SLC46A3: variants seen among roughly 807,000 people sequenced by gnomAD.
The protein encoded by SLC46A3 is lysosomal proton-coupled steroid conjugate and bile acid symporter SLC46A3.
Under a neutral mutation model 38.5 loss-of-function variants are expected in SLC46A3, and 26 were observed. That is an observed-to-expected ratio of 0.68 (90% confidence interval 0.49 to 0.94). The LOEUF is 0.94. SLC46A3 is among the 40% of genes least tolerant of loss of function. The pLI, the probability that SLC46A3 is intolerant of heterozygous loss-of-function variation, is 0.00. For missense variants in SLC46A3, 510 were observed against 544.3 expected, an observed-to-expected ratio of 0.94 and a Z score of 0.63; for synonymous variants, 185 against 192.5, an observed-to-expected ratio of 0.96 and a Z score of 0.32.
rs1885433971 is a variant in SLC46A3, at chr13:28,713,498, A to G, written c.242T>C (p.Leu81Ser). ...RFNLQMDISGLIPGLVSTFIL... is the reference protein window; with the variant it reads ...RFNLQMDISGSIPGLVSTFIL... ...GAATGTAGACACTAGACCAGGAATT[A>G]ATCCACTTATGTCCATCTGCAGATT... Residue 81 changes from leucine (L) to serine (S), a missense_variant, in exon 3 of 6, where the codon TTA becomes TCA. Physicochemically the swap from Leu to Ser is moderately radical, Grantham distance 145. Coordinates refer to ENST00000266943, the MANE Select transcript of SLC46A3 (RefSeq NM_181785.4). 3.1e-6 allele frequency: 5 copies of G among 1,613,198 alleles called. No individual in the cohort carries two copies. The African/African-American group carries it at 6.7e-5, about 21-fold the overall frequency.
At chr13:28,714,152 A>AC (rs796138145) in intron 2 of SLC46A3, among the ~76,000 whole-genome samples, 14 of 24,936 alleles carry the variant, frequency 5.6e-4, no homozygotes, top group African/African-American at 8.8e-4. Flanking sequence ...AAAAAAAAAA[A>AC]AAAAAAACCT....
Position 28,710,750 on chromosome 13 carries a change from T to C in SLC46A3, c.1144+10A>G. The C allele has an allele frequency of 6.3e-7, 1 of 1,599,478 alleles. No individual in the cohort carries two copies. The highest frequency in any genetic ancestry group is 8.6e-7 in the Non-Finnish European group (1 of 1,167,968). ...GGTAGATTCATATTTCTTAAGCAAA[T>C]TAAACTCACCTTGTTCAGTCGAACG... is the stretch of plus-strand genomic sequence containing the variant. On this transcript the variant is annotated intron_variant, in intron 4 of 5. Transcript: ENST00000266943.
intron 2 of SLC46A3, among the ~76,000 whole-genome samples, chr13:28,714,591 A>C (rs1019459698): frequency 1.3e-5 from 2 of 152,218 alleles, no homozygotes; most frequent in Non-Finnish European, 2.9e-5. Flanking sequence ...TCTACTAAAA[A>C]TACAAAAATT....
At chr13:28,714,622 G>A (rs1410896270) in intron 2 of SLC46A3, among the ~76,000 whole-genome samples, 15 of 152,218 alleles carry the variant, frequency 9.9e-5, no homozygotes, top group African/African-American at 2.4e-4. Flanking sequence ...GGTGGCGTAC[G>A]CCTGTAGTCT....
Position 28,710,113 on chromosome 13 carries a change from G to A in SLC46A3, c.1144+647C>T, listed in dbSNP as rs1405068434. On this transcript the variant is annotated intron_variant, in intron 4 of 5. Transcript: ENST00000266943. ...CCGCACACACTTAGGATTCTCAGACGTTTTCAGAATTCCACGTAGGAACAG... is the reference window on the plus strand; with the variant it reads ...CCGCACACACTTAGGATTCTCAGACATTTTCAGAATTCCACGTAGGAACAG... Among the ~76,000 whole-genome samples, 3 of 152,136 alleles carry A rather than the reference G, an allele frequency of 2.0e-5. 1 individual carries two copies. Among genetic ancestry groups the A allele is most frequent in the Admixed American group, 6.5e-5 (1 of 15,280 alleles).
chr13:28,715,005 A>G (rs1885488639), intron 2 of SLC46A3, among the ~76,000 whole-genome samples: 1 of 152,214 alleles, frequency 6.6e-6, no homozygotes, highest in South Asian at 2.1e-4. Context: ...GGGAAATGCT[A>G]AGCTGATTTA....
chr13:28,708,314 C>G (rs1286651931), intron 4 of SLC46A3, among the ~76,000 whole-genome samples: 2 of 152,208 alleles, frequency 1.3e-5, no homozygotes, highest in African/African-American at 2.4e-5. Flanking sequence ...TCTCCACATC[C>G]TCATCAACAC....
At position 28,700,856 on chromosome 13, in the gene SLC46A3, T is replaced by C; in HGVS notation, c.*641A>G. 2.0e-6 allele frequency: 2 copies of C among 995,206 alleles called. No individual in the cohort carries two copies. The highest frequency in any genetic ancestry group is 3.0e-6 in the Non-Finnish European group (2 of 677,338). The allele number at this position is 995,206 out of a possible 1,614,324, so 61.6% of individuals were successfully genotyped here. Reference sequence around the variant, plus strand: ...CATATTCTTTAAAGTGCCTCCCTTTTAAGGATTTTGTATCAACAAAGCACT... The same window carrying C: ...CATATTCTTTAAAGTGCCTCCCTTTCAAGGATTTTGTATCAACAAAGCACT... On this transcript the variant is annotated 3_prime_UTR_variant, in exon 6 of 6. Transcript: ENST00000266943.
At chr13:28,708,736 C>T (rs560432419) in intron 4 of SLC46A3, among the ~76,000 whole-genome samples, 1 of 151,226 alleles carries the variant, frequency 6.6e-6, no homozygotes, top group South Asian at 2.1e-4. Context: ...GCTGGGATTG[C>T]ACATGTGAGC....
At chr13:28,712,493 A>G (rs1193614669) in intron 3 of SLC46A3, among the ~76,000 whole-genome samples, 187 bp downstream of exon 3, 1 of 152,196 alleles carries the variant, frequency 6.6e-6, no homozygotes, top group East Asian at 1.9e-4. Flanking sequence ...TATTCAGTGG[A>G]TTAAATTTTT....
chr13:28,706,877 G>A (rs1475294388), intron 4 of SLC46A3, among the ~76,000 whole-genome samples: 8 of 152,142 alleles, frequency 5.3e-5, no homozygotes, highest in Non-Finnish European at 1.0e-4. Context: ...TTAGAATGGC[G>A]ATCATTAAAA....
Position 28,701,444 on chromosome 13 carries a change from C to A in SLC46A3, c.*53G>T. 1.3e-6 allele frequency: 2 copies of A among 1,590,794 alleles called. No individual in the cohort carries two copies. The highest frequency in any genetic ancestry group is 2.3e-5 in the South Asian group (2 of 85,962). ...GAATTCATTTATAGTCTTCAGAAGT[C>A]ATGGTATATGATATGTGCATTCATA... On this transcript the variant is annotated 3_prime_UTR_variant, in exon 6 of 6. Transcript: ENST00000266943.
In SLC46A3 at chr13:28,714,154, A is replaced by AT. The variant is rs1437458431; in HGVS notation, c.190-605_190-604insA. On this transcript the variant is annotated intron_variant, in intron 2 of 5. Transcript: ENST00000266943. ...TACCAAAAAATACAAAAAAAAAAAA[A>AT]AAAAACCTTTATTTAGGGAGAGCTT... is the stretch of plus-strand genomic sequence containing the variant. 8.7e-4 allele frequency among the ~76,000 whole-genome samples: 26 copies of AT among 29,872 alleles called. 2 individuals are homozygous for AT. The highest frequency in any genetic ancestry group is 5.4e-3 in the South Asian group (2 of 368). 19.6% of individuals were successfully genotyped at this position (29,872 alleles called of 152,430 possible).
intron 4 of SLC46A3, among the ~76,000 whole-genome samples, chr13:28,705,099 A>G (rs1680492317): frequency 6.6e-6 from 1 of 152,230 alleles, no homozygotes; most frequent in African/African-American, 2.4e-5. Flanking sequence ...CATCAGATAT[A>G]AAATTTCATG....
Position 28,713,053 on chromosome 13 carries a change from A to G in SLC46A3, c.687T>C (p.Asn229=), listed in dbSNP as rs1220366977. ...GDPVKECSSQ[N]VTMSCSEGFK... ...AGCCTTCACTACATGACATAGTAAC[A>G]TTCTGAGATGAACACTCTTTCACTG... is the stretch of plus-strand genomic sequence containing the variant. Residue 229 remains asparagine (N), a synonymous_variant, in exon 3 of 6, where the codon AAT becomes AAC. Transcript: ENST00000266943. 3 of 1,611,324 alleles carry G rather than the reference A, an allele frequency of 1.9e-6. No individual in the cohort carries two copies. Among genetic ancestry groups the G allele is most frequent in the Non-Finnish European group, 2.5e-6 (3 of 1,179,558 alleles).
chr13:28,708,275 C>T (rs771065406), intron 4 of SLC46A3, among the ~76,000 whole-genome samples: 2 of 152,130 alleles, frequency 1.3e-5, no homozygotes, highest in Non-Finnish European at 2.9e-5. Context: ...ATTTTATGTT[C>T]CCACTCGCAG....
chr13:28,709,187 T>C (rs1885270030), intron 4 of SLC46A3, among the ~76,000 whole-genome samples: 1 of 151,822 alleles, frequency 6.6e-6, no homozygotes, highest in African/African-American at 2.4e-5. Flanking sequence ...CCAGGCATGG[T>C]GGCAGGAGCC....
At chr13:28,714,413 C>A (rs993239316) in intron 2 of SLC46A3, among the ~76,000 whole-genome samples, 5 of 152,034 alleles carry the variant, frequency 3.3e-5, no homozygotes. Flanking sequence ...AATTTGAGAC[C>A]AGCCTGGGCA....
intron 5 of SLC46A3, 96 bp from the exon 6 acceptor site, chr13:28,701,677 T>C (rs1436049867): frequency 1.5e-5 from 17 of 1,116,152 alleles, no homozygotes; most frequent in Middle Eastern, 4.8e-4. Flanking sequence ...ACATAGCTTT[T>C]AATAAATTAT....
Sources: allele counts gnomAD v4.1 joint callset (sites outside exome capture counted in the v4.1 genomes callset), GRCh38; gene constraint gnomAD v4.1.1; transcripts MANE v1.5; gene names NCBI Gene and HGNC (gene_info 2026-07-23, HGNC 2026-07-21).